Variants in MGAT5 observed in about 807,000 individuals in gnomAD.
The protein encoded by MGAT5 is alpha-1,6-mannosylglycoprotein 6-beta-N-acetylglucosaminyltransferase.
MGAT5 carries 30 observed loss-of-function variants against 94.3 expected under a neutral mutation model. The observed-to-expected ratio is 0.32, with a 90% CI of 0.24 to 0.43. The LOEUF (loss-of-function observed/expected upper bound fraction) is 0.43. MGAT5 is among the 20% of genes least tolerant of loss of function. The probability of loss-of-function intolerance (pLI) is 1.00; values close to 1 mark genes in which losing one functional copy is unlikely to be tolerated. For synonymous variants in MGAT5, 310 were observed against 322.9 expected, an observed-to-expected ratio of 0.96 and a Z score of 0.43; for missense variants, 691 against 905.5, an observed-to-expected ratio of 0.76 and a Z score of 3.04.
intron 4 of MGAT5, among the ~76,000 whole-genome samples, chr2:134,326,726 G>A (rs899509875): frequency 1.3e-5 from 2 of 152,100 alleles, no homozygotes; most frequent in Non-Finnish European, 2.9e-5. Flanking sequence ...CATCTAGATT[G>A]TAGTGCATGC....
chr2:134,302,264 T>C (rs1051428047), intron 2 of MGAT5, among the ~76,000 whole-genome samples: 17 of 152,166 alleles, frequency 1.1e-4, no homozygotes, highest in African/African-American at 3.6e-4. Flanking sequence ...GATTGTAATA[T>C]ATTTTCTTAT....
At chr2:134,275,286 TTC>T (rs1684290886) in intron 2 of MGAT5, among the ~76,000 whole-genome samples, 1 of 152,232 alleles carries the variant, frequency 6.6e-6, no homozygotes, top group South Asian at 2.1e-4. Context: ...ACCTGTCACT[TTC>T]TGTTTTGTTA....
At chr2:134,348,302 A>G (rs1183256109) in intron 8 of MGAT5, among the ~76,000 whole-genome samples, 1 of 152,152 alleles carries the variant, frequency 6.6e-6, no homozygotes, top group East Asian at 1.9e-4. Flanking sequence ...CTTTGATGAT[A>G]CTGTGAAAAC....
chr2:134,332,778 A>G (rs1403522528), intron 4 of MGAT5, among the ~76,000 whole-genome samples: 1 of 152,256 alleles, frequency 6.6e-6, no homozygotes, highest in Non-Finnish European at 1.5e-5. Flanking sequence ...GGCGAAGGAC[A>G]TGAACAGGCA....
intron 13 of MGAT5, among the ~76,000 whole-genome samples, chr2:134,425,929 A>G (rs1001628262): frequency 6.6e-6 from 1 of 151,396 alleles, no homozygotes; most frequent in African/African-American, 2.4e-5. Context: ...AGGATGCCCA[A>G]GAATACTTCC....
chr2:134,280,758 T>C (rs1253372794), intron 2 of MGAT5, among the ~76,000 whole-genome samples: 1 of 152,194 alleles, frequency 6.6e-6, no homozygotes, highest in Non-Finnish European at 1.5e-5. Flanking sequence ...GCCTGTACCA[T>C]GGTATTGTTG....
chr2:134,250,970 G>A (rs191600966), upstream of MGAT5, among the ~76,000 whole-genome samples: 1 of 152,206 alleles, frequency 6.6e-6, no homozygotes, highest in East Asian at 1.9e-4. Flanking sequence ...TCTTTCCTTT[G>A]TTTTAACTCC....
At chr2:134,329,818 G>A (rs866092368) in intron 4 of MGAT5, among the ~76,000 whole-genome samples, 2 of 151,980 alleles carry the variant, frequency 1.3e-5, no homozygotes, top group Non-Finnish European at 2.9e-5. Context: ...ATAAGGAGTC[G>A]GACCAAAATA....
chr2:134,296,843 C>T (rs982664112), intron 2 of MGAT5, among the ~76,000 whole-genome samples: 1 of 152,078 alleles, frequency 6.6e-6, no homozygotes, highest in African/African-American at 2.4e-5. Context: ...TAAGTTCATA[C>T]TATGAAATGA....
intron 1 of MGAT5, among the ~76,000 whole-genome samples, chr2:134,237,894 A>C (rs1681746486): frequency 6.6e-6 from 1 of 150,926 alleles, no homozygotes; most frequent in Admixed American, 6.6e-5. Context: ...GGGATTACAG[A>C]CGTGTGCTAC....
At chr2:134,418,347 A>T (rs973426549) in intron 12 of MGAT5, among the ~76,000 whole-genome samples, 1 of 152,178 alleles carries the variant, frequency 6.6e-6, no homozygotes, top group African/African-American at 2.4e-5. Context: ...AACCCTTCAG[A>T]TGATTCCACC....
In MGAT5 at chr2:134,453,631, C is replaced by A. The variant is rs568915719; in HGVS notation, c.*4784C>A. ...CGGCCCCTACAGGCTGGGGTGGCCC[C>A]TCCTGTCCTCAGGGATCAGACTCCC... On this transcript the variant is annotated 3_prime_UTR_variant, in exon 16 of 16. Coordinates refer to ENST00000281923, the MANE Select transcript of MGAT5 (RefSeq NM_002410.5). 2 of 152,336 alleles carry A rather than the reference C, an allele frequency of 1.3e-5. No individual in the cohort carries two copies. Among genetic ancestry groups the A allele is most frequent in the Admixed American group, 1.3e-4 (2 of 15,306 alleles). The allele number at this position is 152,336 out of a possible 1,614,324, so 9.4% of individuals were successfully genotyped here.
chr2:134,215,392 G>A (rs1680437578), intron 1 of MGAT5, among the ~76,000 whole-genome samples: 1 of 152,134 alleles, frequency 6.6e-6, no homozygotes. Flanking sequence ...CACAGTTCTG[G>A]AGGCTGGGAA....
At chr2:134,442,007 C>A in intron 15 of MGAT5, 92 bp downstream of exon 15, 3 of 1,414,844 alleles carry the variant, frequency 2.1e-6, no homozygotes, top group Non-Finnish European at 2.9e-6. Flanking sequence ...TTTCCTCTTC[C>A]AAGCTACTGG....
At chr2:134,398,172 T>C (rs1411942342) in intron 10 of MGAT5, among the ~76,000 whole-genome samples, 1 of 152,230 alleles carries the variant, frequency 6.6e-6, no homozygotes, top group African/African-American at 2.4e-5. Context: ...AACATCCATA[T>C]TCCCGAAAAT....
rs1251771026 is a variant in MGAT5 at position 134,450,159 on chromosome 2, A to G, written c.*1312A>G. The G allele has an allele frequency of 2.0e-5, 3 of 152,172 alleles. No homozygotes were observed. Among genetic ancestry groups the G allele is most frequent in the Admixed American group, 1.3e-4 (2 of 15,272 alleles). The allele number at this position is 152,172 out of a possible 1,614,324, so 9.4% of individuals were successfully genotyped here. ...GTATAAGTTCCCACCCCACTGAATC[A>G]TTGCTGCCATGCTCTGTACAAGTTT... On this transcript the variant is annotated 3_prime_UTR_variant, in exon 16 of 16. Coordinates refer to ENST00000281923, the MANE Select transcript of MGAT5 (RefSeq NM_002410.5).
intron 10 of MGAT5, among the ~76,000 whole-genome samples, chr2:134,401,755 G>T (rs1420103440): frequency 6.6e-6 from 1 of 152,152 alleles, no homozygotes; most frequent in Non-Finnish European, 1.5e-5. Flanking sequence ...GGGTGGCAAG[G>T]GTGGTCTTGC....
At chr2:134,290,639 C>T (rs1685291622) in intron 2 of MGAT5, among the ~76,000 whole-genome samples, 2 of 152,202 alleles carry the variant, frequency 1.3e-5, no homozygotes, top group Admixed American at 6.5e-5. Flanking sequence ...GGGGTGCTCC[C>T]CCTGAAAACA....
chr2:134,157,859 A>T (rs1687548210), intron 1 of MGAT5, among the ~76,000 whole-genome samples: 1 of 152,030 alleles, frequency 6.6e-6, no homozygotes, highest in African/African-American at 2.4e-5. Context: ...CAAGGCAGAG[A>T]GGGTCTTCAT....
Sources: gnomAD v4.1 joint callset for allele counts (sites outside exome capture counted in the v4.1 genomes callset) on GRCh38, gnomAD v4.1.1 for gene constraint, MANE v1.5 for transcripts, NCBI Gene and HGNC (gene_info 2026-07-23, HGNC 2026-07-21) for gene names.